The following DECR2 variants were observed in gnomAD, a reference collection of about 807,000 sequenced individuals.
DECR2 encodes 2,4-dienoyl-CoA reductase 2.
Under a neutral mutation model 29.2 loss-of-function variants are expected in DECR2, and 34 were observed. The observed-to-expected ratio is 1.16, with a 90% CI of 0.89 to 1.55. The LOEUF (loss-of-function observed/expected upper bound fraction) is 1.55. DECR2 is among the 40% of genes most tolerant of loss of function. The probability of loss-of-function intolerance (pLI) is 0.00; values close to 1 mark genes in which losing one functional copy is unlikely to be tolerated. For missense variants in DECR2, 485 were observed against 425.3 expected (o/e 1.14, Z -1.23); for synonymous variants, 224 against 182.7 (o/e 1.23, Z -1.82).
intron 2 of DECR2, 160 bp downstream of exon 2, chr16:405,184 G>A (rs1478201853): frequency 2.4e-6 from 2 of 831,614 alleles, no homozygotes; most frequent in Non-Finnish European, 3.8e-6. Context: ...GAGCGGTCGA[G>A]GATTGCCCTG....
At chr16:408,198 C>CCTGTCTCCGGGCCT (rs2054763370) in intron 4 of DECR2, among the ~76,000 whole-genome samples, 1 of 131,706 alleles carries the variant, frequency 7.6e-6, no homozygotes, top group African/African-American at 3.1e-5. Context: ...TCTCCGGCCC[C>CCTGTCTCCGGGCCT]CTGTCTCCGG....
chr16:407,971 C>A (rs867868880), intron 4 of DECR2, among the ~76,000 whole-genome samples: 2 of 75,962 alleles, frequency 2.6e-5, no homozygotes, highest in Non-Finnish European at 4.8e-5. Flanking sequence ...CTGTCTCCGG[C>A]CCCCTGTCTC....
rs753116479 is a variant in DECR2 at position 407,408 on chromosome 16, CTT to C, written c.202-15_202-14del. 3.8e-6 allele frequency: 6 copies of C among 1,599,996 alleles called. No homozygotes were observed. Among genetic ancestry groups the C allele is most frequent in the South Asian group, 2.2e-5 (2 of 90,670 alleles). On this transcript the variant is annotated splice_polypyrimidine_tract_variant and intron_variant, in intron 3 of 8. Transcript: ENST00000219481. ...GAGGCTGCAGGGCTGCTGTCTGCCT[CTT>C]TACCTGGCTTCTAGGCCGCCAGGAA... is the stretch of plus-strand genomic sequence containing the variant.
chr16:405,095 CT>C, intron 2 of DECR2, 71 bp downstream of exon 2: 1 of 1,576,854 alleles, frequency 6.3e-7, no homozygotes, highest in East Asian at 2.2e-5. Context: ...TGCCCGACCC[CT>C]GGAAAGATGT....
chr16:407,378 A>C (rs1167835812), intron 3 of DECR2, 47 bp from the exon 4 acceptor site: 1 of 1,557,176 alleles, frequency 6.4e-7, no homozygotes, highest in Non-Finnish European at 8.6e-7. Flanking sequence ...CCTTTTCTCC[A>C]GGCCGAGGCT....
At chr16:406,651 C>T in intron 3 of DECR2, 1 of 630,366 alleles carries the variant, frequency 1.6e-6, no homozygotes, top group Non-Finnish European at 2.8e-6. Context: ...GTGCCCGCCA[C>T]CACGCCTGGC....
chr16:403,327 A>C (rs546367880), intron 1 of DECR2, among the ~76,000 whole-genome samples: 1 of 152,268 alleles, frequency 6.6e-6, no homozygotes, highest in Admixed American at 6.5e-5. Flanking sequence ...GCCCAAAATT[A>C]ATCTTTAATA....
At chr16:403,870 C>T (rs2054694653) in intron 1 of DECR2, among the ~76,000 whole-genome samples, 1 of 151,832 alleles carries the variant, frequency 6.6e-6, no homozygotes, top group Non-Finnish European at 1.5e-5. Flanking sequence ...GTAGCAAGAA[C>T]CTGTCTCAAA....
At chr16:402,149 T>G in intron 1 of DECR2, 106 bp downstream of exon 1, 1 of 862,272 alleles carries the variant, frequency 1.2e-6, no homozygotes, top group South Asian at 3.0e-5. Flanking sequence ...GAAACCTGTC[T>G]TGCCTGGCTC....
At position 412,474 on chromosome 16, in the gene DECR2, T is replaced by G. The variant is rs1348318856; in HGVS notation, c.*585T>G. 2 of 152,232 alleles carry G rather than the reference T, an allele frequency of 1.3e-5. No individual in the cohort carries two copies. The highest frequency in any genetic ancestry group is 2.9e-5 in the Non-Finnish European group (2 of 68,038). The allele number at this position is 152,232 out of a possible 1,614,324, so 9.4% of individuals were successfully genotyped here. A position where few individuals can be genotyped will look rare whatever the true frequency, so the allele number is the denominator to read the frequency against. On this transcript the variant is annotated 3_prime_UTR_variant, in exon 9 of 9. Coordinates refer to ENST00000219481, the MANE Select transcript of DECR2 (RefSeq NM_020664.4). ...GAAAAGAAAGAGGATTAAAGAGAAT[T>G]GCTGGTGATCCTATCGTTTAGGGGT... is the stretch of plus-strand genomic sequence containing the variant.
Position 401,943 on chromosome 16 carries a change from G to T in DECR2, c.-21G>T, listed in dbSNP as rs1295889277. ...GAGGCCGCTCCCGCCCGTTGTCCCCGCAGTCCCCGACGGGAGCGCCATGGC... is the reference window on the plus strand; with the variant it reads ...GAGGCCGCTCCCGCCCGTTGTCCCCTCAGTCCCCGACGGGAGCGCCATGGC... On this transcript the variant is annotated 5_prime_UTR_variant, in exon 1 of 9. Coordinates refer to ENST00000219481, the MANE Select transcript of DECR2 (RefSeq NM_020664.4). 3 of 1,478,704 alleles carry T rather than the reference G, an allele frequency of 2.0e-6. No homozygotes were observed. The highest frequency in any genetic ancestry group is 2.6e-5 in the South Asian group (2 of 78,358). 91.6% of individuals were successfully genotyped at this position (1,478,704 alleles called of 1,614,324 possible). A position where few individuals can be genotyped will look rare whatever the true frequency, so the allele number is the denominator to read the frequency against.
At position 410,842 on chromosome 16, in the gene DECR2, C is replaced by T. The variant is rs2054809896; in HGVS notation, c.556+58C>T. ...ACGTGGGTCCCCAATGGGCCGTCTGCTTCCATCCCAGGAGGCCAGCAGTCT... is the reference window on the plus strand; with the variant it reads ...ACGTGGGTCCCCAATGGGCCGTCTGTTTCCATCCCAGGAGGCCAGCAGTCT... On this transcript the variant is annotated intron_variant, in intron 6 of 8. Transcript: ENST00000219481. This position sits in a 1 kb window ranked among gnomAD's most constrained non-coding sequence, Gnocchi z 4.1. 1 of 1,522,296 alleles carries T rather than the reference C, an allele frequency of 6.6e-7. No individual in the cohort carries two copies. Among genetic ancestry groups the T allele is most frequent in the South Asian group, 1.2e-5 (1 of 83,256 alleles). The allele number at this position is 1,522,296 out of a possible 1,614,324, so 94.3% of individuals were successfully genotyped here.
Position 410,189 on chromosome 16 carries a change from C to G in DECR2, c.338-54C>G. ...GCTCTGCCCACCTGGCCACCACCCACTTGGCATCCCTCTCCCCAGGCTCCA... is the reference window on the plus strand; with the variant it reads ...GCTCTGCCCACCTGGCCACCACCCAGTTGGCATCCCTCTCCCCAGGCTCCA... On this transcript the variant is annotated intron_variant, in intron 4 of 8. Transcript: ENST00000219481. The surrounding 1 kb of genome is among the most constrained non-coding windows in gnomAD (Gnocchi z 4.1). 6.3e-7 allele frequency: 1 copy of G among 1,586,650 alleles called. No individual in the cohort carries two copies. The highest frequency in any genetic ancestry group is 8.6e-7 in the Non-Finnish European group (1 of 1,165,204).
chr16:406,168 A>G (rs1023064919), intron 2 of DECR2, among the ~76,000 whole-genome samples, 178 bp from the exon 3 acceptor site: 14 of 152,176 alleles, frequency 9.2e-5, no homozygotes, highest in African/African-American at 2.9e-4. Context: ...CGGGGTGGGC[A>G]CCACCTGAGG....
At chr16:402,153 C>A in intron 1 of DECR2, 110 bp downstream of exon 1, 1 of 851,164 alleles carries the variant, frequency 1.2e-6, no homozygotes, top group Non-Finnish European at 1.6e-6. Flanking sequence ...CCTGTCTTGC[C>A]TGGCTCCTTT....
chr16:411,048 C>G lies in DECR2; in HGVS notation c.633C>G (p.Ile211Met), dbSNP rs1456849606. 6.3e-7 allele frequency: 1 copy of G among 1,578,696 alleles called. No individual in the cohort carries two copies. Among genetic ancestry groups the G allele is most frequent in the Non-Finnish European group, 8.6e-7 (1 of 1,165,294 alleles). Residue 211 changes from isoleucine to methionine, a missense_variant, in exon 7 of 9, where the codon ATC becomes ATG. Physicochemically the swap from Ile to Met is conservative, Grantham distance 10. Coordinates refer to ENST00000219481, the MANE Select transcript of DECR2 (RefSeq NM_020664.4). ...TCAACAGCCTCGCCCCTGGCCCCAT[C>G]AGTGGCACAGAGGGGCTCCGGCGAC... ...IRVNSLAPGP[I>M]SGTEGLRRLG...
At position 407,519 on chromosome 16, in the gene DECR2, A is replaced by G. The variant is rs150350411; in HGVS notation, c.296A>G (p.Gln99Arg). 1.2e-5 allele frequency: 19 copies of G among 1,613,900 alleles called. No homozygotes were observed. In the African/African-American group the frequency reaches 2.5e-4, roughly 22 times the overall value. Reference sequence around the variant, plus strand: ...CCAGCTGTCATGGCCGCCGTGGACCAGGCTCTGAAGGAGTTTGGCAGAATC... The same window carrying G: ...CCAGCTGTCATGGCCGCCGTGGACCGGGCTCTGAAGGAGTTTGGCAGAATC... ...APPAVMAAVD[Q>R]ALKEFGRIDI... The change falls in exon 4 of 9, where the codon CAG (glutamine) becomes CGG (arginine). Residue 99 changes from glutamine to arginine, a missense_variant. Coordinates refer to ENST00000219481, the MANE Select transcript of DECR2 (RefSeq NM_020664.4).
rs113274541 is a variant in DECR2, at chr16:407,027, T to G, written c.202-398T>G. ...TGGGTTCTGGGAGGGACCTTCCTGT[T>G]TGGGGGTAATGTGGCCCCAAGAAAG... On this transcript the variant is annotated intron_variant, in intron 3 of 8. Coordinates refer to ENST00000219481, the MANE Select transcript of DECR2 (RefSeq NM_020664.4). 1.1e-3 allele frequency: 1,099 copies of G among 1,036,914 alleles called. 8 individuals are homozygous for G. In the African/African-American group the frequency reaches 0.017, roughly 16 times the overall value. The allele number at this position is 1,036,914 out of a possible 1,614,324, so 64.2% of individuals were successfully genotyped here.
intron 2 of DECR2, among the ~76,000 whole-genome samples, chr16:406,098 C>G (rs2054720651): frequency 6.6e-6 from 1 of 152,202 alleles, no homozygotes; most frequent in African/African-American, 2.4e-5. Flanking sequence ...TGTCTCTGTA[C>G]CTGGTGTTTG....
Sources: allele counts gnomAD v4.1 joint callset (sites outside exome capture counted in the v4.1 genomes callset), GRCh38; gene constraint gnomAD v4.1.1; non-coding constraint Gnocchi (gnomAD v3.1); transcripts MANE v1.5; gene names NCBI Gene and HGNC (gene_info 2026-07-23, HGNC 2026-07-21).